Variants in GRIK3 observed in about 807,000 individuals in gnomAD.
The protein encoded by GRIK3 is glutamate ionotropic receptor kainate type subunit 3, also known as glutamate receptor ionotropic, kainate 3.
A neutral mutation model predicts 102.5 loss-of-function variants in GRIK3; 29 were observed. That is an observed-to-expected ratio of 0.28 (90% CI 0.21 to 0.39). The LOEUF (loss-of-function observed/expected upper bound fraction) is 0.39, where lower values mean the gene tolerates loss of function less well. GRIK3 is among the 10% of genes least tolerant of loss of function. The pLI is 1.00. For missense variants in GRIK3, 908 were observed against 1,252.4 expected, an observed-to-expected ratio of 0.73 and a Z score of 4.15; for synonymous variants, 511 against 504.9, an observed-to-expected ratio of 1.01 and a Z score of -0.16.
chr1:36,860,144 C>A, intron 5 of GRIK3, 127 bp from the exon 6 acceptor site: 1 of 672,344 alleles, frequency 1.5e-6, no homozygotes, highest in Non-Finnish European at 2.5e-6. Context: ...CAAAGCCCTG[C>A]AGAGGGGGTG....
intron 1 of GRIK3, among the ~76,000 whole-genome samples, chr1:37,000,990 G>T (rs1024899042): frequency 2.0e-5 from 3 of 152,222 alleles, no homozygotes; most frequent in Non-Finnish European, 4.4e-5. Context: ...GTGGTCAGTG[G>T]TACCTGGCTA....
intron 1 of GRIK3, among the ~76,000 whole-genome samples, chr1:36,913,661 C>T (rs1454504395): frequency 6.6e-6 from 1 of 152,142 alleles, no homozygotes; most frequent in Non-Finnish European, 1.5e-5. Flanking sequence ...ACACAAAGCA[C>T]ACATCATTCT....
chr1:36,927,348 A>G (rs1641538490), intron 1 of GRIK3, among the ~76,000 whole-genome samples: 1 of 152,252 alleles, frequency 6.6e-6, no homozygotes, highest in Non-Finnish European at 1.5e-5. Context: ...TAGCAAATGC[A>G]ATTCAACAAA....
At chr1:37,031,790 C>T (rs1282322736) in intron 1 of GRIK3, among the ~76,000 whole-genome samples, 1 of 152,218 alleles carries the variant, frequency 6.6e-6, no homozygotes, top group East Asian at 1.9e-4. Flanking sequence ...CTCTCTCTCT[C>T]GCTCGCTCGC....
chr1:36,880,244 A>C lies in GRIK3; in HGVS notation c.550+390T>G, dbSNP rs1267234857. ...GGCCACGCCATAAGCTATGTGTGTG[A>C]GTGTGCAAGTGTGAGGGTGGATGTG... is the stretch of plus-strand genomic sequence containing the variant. On this transcript the variant is annotated intron_variant, in intron 3 of 15. Coordinates refer to ENST00000373091, the MANE Select transcript of GRIK3 (RefSeq NM_000831.4). This position sits in a 1 kb window ranked among gnomAD's most constrained non-coding sequence, Gnocchi z 5.4. Among the ~76,000 whole-genome samples, 1 of 152,130 alleles carries C rather than the reference A, an allele frequency of 6.6e-6. No homozygotes were observed. Among genetic ancestry groups the C allele is most frequent in the Non-Finnish European group, 1.5e-5 (1 of 68,030 alleles).
chr1:37,031,456 G>A (rs552780638), intron 1 of GRIK3, among the ~76,000 whole-genome samples: 2 of 152,332 alleles, frequency 1.3e-5, no homozygotes, highest in African/African-American at 4.8e-5. Flanking sequence ...CCTTGTCTAA[G>A]AGGAAATTTC....
intron 8 of GRIK3, among the ~76,000 whole-genome samples, chr1:36,852,167 G>A (rs1181303133): frequency 6.6e-6 from 1 of 152,312 alleles, no homozygotes; most frequent in East Asian, 1.9e-4. Flanking sequence ...CTGTTATTAA[G>A]GGACTGATGC....
intron 11 of GRIK3, among the ~76,000 whole-genome samples, chr1:36,823,966 G>T (rs1642724715): frequency 6.6e-6 from 1 of 152,202 alleles, no homozygotes; most frequent in South Asian, 2.1e-4. Context: ...CTCAAGAGAG[G>T]TGTGAGTGGT....
intron 2 of GRIK3, among the ~76,000 whole-genome samples, chr1:36,882,068 A>G (rs1640986356): frequency 6.6e-6 from 1 of 151,960 alleles, no homozygotes; most frequent in South Asian, 2.1e-4. Context: ...ATTTATAATC[A>G]CAATCCCTGT....
rs1046181581 is a variant in GRIK3, at chr1:37,029,599, C to T, written c.115+4395G>A. ...TTCACCAAGCAGGCCTGCAGTCTGT[C>T]CTACATATGGCCTTATACTTCTCTC... On this transcript the variant is annotated intron_variant, in intron 1 of 15. Transcript: ENST00000373091. Among the ~76,000 whole-genome samples, 7 of 152,220 alleles carry T rather than the reference C, an allele frequency of 4.6e-5. No homozygotes were observed. In the East Asian group the frequency reaches 1.2e-3, roughly 25 times the overall value.
At chr1:36,904,721 T>C (rs1157664236) in intron 1 of GRIK3, among the ~76,000 whole-genome samples, 4 of 152,132 alleles carry the variant, frequency 2.6e-5, no homozygotes, top group African/African-American at 7.2e-5. Flanking sequence ...GTGAATGAAA[T>C]TGGATTCAAA....
At chr1:36,917,624 C>T (rs1280315112) in intron 1 of GRIK3, among the ~76,000 whole-genome samples, 1 of 152,252 alleles carries the variant, frequency 6.6e-6, no homozygotes, top group East Asian at 1.9e-4. Flanking sequence ...AAGCTCTCTT[C>T]TCTTGTCTGC....
Position 36,994,291 on chromosome 1 carries a change from ACT to A in GRIK3, c.115+39701_115+39702del, listed in dbSNP as rs1294224192. ...TTACACAATTGCGGTAAACTAGGAAACTCTTCTAAAGAGCTTCACACGCTACC... is the reference window on the plus strand; with the variant it reads ...TTACACAATTGCGGTAAACTAGGAAACTTCTAAAGAGCTTCACACGCTACC... On this transcript the variant is annotated intron_variant, in intron 1 of 15. Coordinates refer to ENST00000373091, the MANE Select transcript of GRIK3 (RefSeq NM_000831.4). Among the ~76,000 whole-genome samples, 4 of 152,152 alleles carry A rather than the reference ACT, an allele frequency of 2.6e-5. No individual in the cohort carries two copies. The East Asian group carries it at 7.7e-4, about 29-fold the overall frequency.
At chr1:36,930,854 T>G (rs904365501) in intron 1 of GRIK3, among the ~76,000 whole-genome samples, 1 of 152,224 alleles carries the variant, frequency 6.6e-6, no homozygotes, top group Non-Finnish European at 1.5e-5. Flanking sequence ...ACCTGTATCT[T>G]GAGAGCTACC....
rs1642642346 is a variant in GRIK3, at chr1:36,817,249, G to A, written c.1902C>T (p.Ser634=). The A allele has an allele frequency of 1.2e-6, 2 of 1,613,136 alleles. No individual in the cohort carries two copies. The highest frequency in any genetic ancestry group is 1.3e-5 in the African/African-American group (1 of 74,874). ...QGSELMPKAL[S]TRIIGGIWWF... is the part of the protein sequence containing the mutation. ...ACCAGATGCCACCAATGATGCGTGTGGACAGGGCTTTGGGCATCAGCTCAG... is the reference window on the plus strand; with the variant it reads ...ACCAGATGCCACCAATGATGCGTGTAGACAGGGCTTTGGGCATCAGCTCAG... The change falls in exon 13 of 16, where the codon TCC becomes TCT. Residue 634 remains serine, a synonymous_variant. Coordinates refer to ENST00000373091, the MANE Select transcript of GRIK3 (RefSeq NM_000831.4).
intron 1 of GRIK3, among the ~76,000 whole-genome samples, chr1:37,022,289 A>G (rs1267155270): frequency 2.0e-5 from 3 of 152,322 alleles, no homozygotes; most frequent in East Asian, 3.9e-4. Flanking sequence ...TGCTCAGCCT[A>G]TTAACGACAG....
chr1:37,023,144 T>C (rs1642733462), intron 1 of GRIK3, among the ~76,000 whole-genome samples: 1 of 151,974 alleles, frequency 6.6e-6, no homozygotes, highest in South Asian at 2.1e-4. Flanking sequence ...CTGGCCAACA[T>C]GGTGAAACCC....
At chr1:36,931,705 TG>T (rs1331608763) in intron 1 of GRIK3, among the ~76,000 whole-genome samples, 3 of 152,158 alleles carry the variant, frequency 2.0e-5, no homozygotes, top group Non-Finnish European at 2.9e-5. Flanking sequence ...CTTCCTAATT[TG>T]GCATCAGGAC....
intron 10 of GRIK3, among the ~76,000 whole-genome samples, chr1:36,830,199 T>C (rs943670321): frequency 3.3e-5 from 5 of 152,212 alleles, no homozygotes; most frequent in African/African-American, 1.2e-4. Context: ...GTCAACATCC[T>C]CGTCATATTC....
Sources: gnomAD v4.1 joint callset for allele counts (sites outside exome capture counted in the v4.1 genomes callset) on GRCh38, gnomAD v4.1.1 for gene constraint, Gnocchi (gnomAD v3.1) non-coding constraint, MANE v1.5 for transcripts, NCBI Gene and HGNC (gene_info 2026-07-23, HGNC 2026-07-21) for gene names.